The following TEX11 variants were observed in gnomAD, a reference collection of about 807,000 sequenced individuals.
TEX11 encodes the protein testis-expressed protein 11.
In TEX11, 7 loss-of-function variants were observed where a neutral mutation model predicts 84.4. That is an observed-to-expected ratio of 0.08 (90% CI 0.05 to 0.16). TEX11 has a LOEUF of 0.16. Ranked by LOEUF, TEX11 falls within the 10% of genes least tolerant of loss-of-function variation. The pLI is 1.00. For missense variants in TEX11, 551 were observed against 660.5 expected, an observed-to-expected ratio of 0.83 and a Z score of 1.82; for synonymous variants, 264 against 222.8, an observed-to-expected ratio of 1.18 and a Z score of -1.64.
intron 25 of TEX11, among the ~76,000 whole-genome samples, chrX:70,557,388 T>C (rs1418929654): frequency 9.3e-6 from 1 of 107,934 alleles, no homozygotes; most frequent in Non-Finnish European, 1.9e-5. Context: ...GAGAATCACT[T>C]GAACCCGGGA....
intron 9 of TEX11, among the ~76,000 whole-genome samples, chrX:70,763,360 G>A (rs994369715): frequency 2.7e-5 from 3 of 111,254 alleles, no homozygotes; most frequent in Non-Finnish European, 3.8e-5. Flanking sequence ...ACCAAGTCTC[G>A]TATCTTCTCA....
chrX:70,841,675 A>T (rs1215460981), intron 7 of TEX11, among the ~76,000 whole-genome samples: 1 of 112,037 alleles, frequency 8.9e-6, no homozygotes, highest in Non-Finnish European at 1.9e-5. Flanking sequence ...CCCTTCAAAA[A>T]ATTAATGAAT....
chrX:70,742,116 G>A (rs951758213), intron 10 of TEX11, among the ~76,000 whole-genome samples: 1 of 110,737 alleles, frequency 9.0e-6, no homozygotes, highest in African/African-American at 3.3e-5. Flanking sequence ...GCCCACTCAT[G>A]CTTCTTTTCA....
chrX:70,565,250 G>GC (rs1555984100), intron 25 of TEX11, among the ~76,000 whole-genome samples: 1 of 104,401 alleles, frequency 9.6e-6, no homozygotes, highest in African/African-American at 3.5e-5. Flanking sequence ...TTTTGATGGG[G>GC]TTTTTTTTTT....
intron 9 of TEX11, among the ~76,000 whole-genome samples, chrX:70,745,853 T>C (rs1461306599): frequency 1.8e-5 from 2 of 112,048 alleles, no homozygotes; most frequent in Admixed American, 9.5e-5. Context: ...CCCTATTTCA[T>C]AGAGGTCTCC....
intron 9 of TEX11, among the ~76,000 whole-genome samples, chrX:70,781,126 A>C (rs1451717041): frequency 8.9e-6 from 1 of 111,989 alleles, no homozygotes; most frequent in Non-Finnish European, 1.9e-5. Flanking sequence ...ATCAGGCAGC[A>C]ATATTTGCTA....
intron 2 of TEX11, among the ~76,000 whole-genome samples, chrX:70,888,735 A>G (rs1320369654): frequency 8.9e-6 from 1 of 111,762 alleles, no homozygotes; most frequent in Non-Finnish European, 1.9e-5. Flanking sequence ...AAGGTTATAG[A>G]ACACCAAGTA....
intron 8 of TEX11, among the ~76,000 whole-genome samples, chrX:70,812,210 T>C (rs2091259543): frequency 1.3e-4 from 2 of 15,085 alleles, no homozygotes; most frequent in Admixed American, 1.4e-3. Context: ...CTTGAATTAA[T>C]TTTTTTTTTT....
chrX:70,576,457 T>C (rs1397084303), intron 25 of TEX11, among the ~76,000 whole-genome samples: 2 of 112,389 alleles, frequency 1.8e-5, no homozygotes, highest in Non-Finnish European at 3.8e-5. Flanking sequence ...TTTTAATTAT[T>C]AAAGTACTAT....
At chrX:70,591,709 T>C (rs1263404176) in intron 25 of TEX11, 42 bp downstream of exon 25, 1 of 1,049,937 alleles carries the variant, frequency 9.5e-7, no homozygotes, top group Non-Finnish European at 1.3e-6. Context: ...GATTCTAAGC[T>C]CCTTTCAAAC....
At chrX:70,778,409 C>A (rs2091014963) in intron 9 of TEX11, among the ~76,000 whole-genome samples, 1 of 111,296 alleles carries the variant, frequency 9.0e-6, no homozygotes, top group Admixed American at 9.6e-5. Flanking sequence ...GAAATCCTAA[C>A]CACAAAGATG....
chrX:70,897,154 T>TATAC, intron 2 of TEX11, among the ~76,000 whole-genome samples: 1 of 31,170 alleles, frequency 3.2e-5, no homozygotes, highest in East Asian at 6.0e-4. Context: ...ATATTATATA[T>TATAC]AACATATATA....
chrX:70,839,014 C>G (rs1219916014), intron 7 of TEX11, among the ~76,000 whole-genome samples: 1 of 112,620 alleles, frequency 8.9e-6, no homozygotes, highest in Non-Finnish European at 1.9e-5. Context: ...GGGTGGAGCC[C>G]ACCACAGCTC....
intron 17 of TEX11, among the ~76,000 whole-genome samples, chrX:70,641,148 A>G (rs2147585624): frequency 9.0e-6 from 1 of 111,482 alleles, no homozygotes; most frequent in South Asian, 3.9e-4. Flanking sequence ...CTTTAAACCA[A>G]CAAAGATCAA....
At chrX:70,686,696 T>TAAA (rs11330282) in intron 13 of TEX11, among the ~76,000 whole-genome samples, 1 of 92,953 alleles carries the variant, frequency 1.1e-5, no homozygotes, top group Non-Finnish European at 2.1e-5. Context: ...GAACTTAAAG[T>TAAA]AAAAAAAAAA....
intron 13 of TEX11, among the ~76,000 whole-genome samples, chrX:70,692,271 T>G: frequency 9.0e-6 from 1 of 111,645 alleles, no homozygotes; most frequent in African/African-American, 3.2e-5. Context: ...TTTCTTTTGT[T>G]TTTTGGTGTA....
intron 28 of TEX11, among the ~76,000 whole-genome samples, chrX:70,542,578 C>G (rs1403985530): frequency 8.9e-6 from 1 of 111,862 alleles, no homozygotes; most frequent in African/African-American, 3.3e-5. Context: ...GCAGCATTGT[C>G]TACTTCTATA....
At chrX:70,695,931 T>C (rs1003814426) in intron 13 of TEX11, among the ~76,000 whole-genome samples, 7 of 112,238 alleles carry the variant, frequency 6.2e-5, no homozygotes, top group African/African-American at 1.3e-4. Flanking sequence ...GGGTACATAA[T>C]TGATTCTTTA....
chrX:70,769,218 A>T (rs977959976), intron 9 of TEX11, among the ~76,000 whole-genome samples: 13 of 111,584 alleles, frequency 1.2e-4, no homozygotes, highest in African/African-American at 4.2e-4. Flanking sequence ...GAAATTATAG[A>T]TTACAATGGA....
Sources: gnomAD v4.1 joint callset for allele counts (sites outside exome capture counted in the v4.1 genomes callset) on GRCh38, gnomAD v4.1.1 for gene constraint, MANE v1.5 for transcripts, NCBI Gene and HGNC (gene_info 2026-07-23, HGNC 2026-07-21) for gene names.